Variants in FAM184B observed in about 807,000 individuals in gnomAD.
FAM184B encodes the protein family with sequence similarity 184 member B.
Under a neutral mutation model 135.9 loss-of-function variants are expected in FAM184B, and 111 were observed. That is an observed-to-expected ratio of 0.82 (90% confidence interval 0.70 to 0.96). FAM184B has a LOEUF of 0.96. FAM184B is among the 40% of genes least tolerant of loss of function. FAM184B has a pLI of 0.00. For missense variants in FAM184B, 1,375 were observed against 1,323.9 expected (o/e 1.04, Z -0.60); for synonymous variants, 552 against 524.8 (o/e 1.05, Z -0.71).
At chr4:17,659,882 C>T (rs941957614) in intron 9 of FAM184B, 76 bp downstream of exon 9, 3 of 1,520,874 alleles carry the variant, frequency 2.0e-6, no homozygotes, top group Non-Finnish European at 2.7e-6. Flanking sequence ...TCAGGCCCTG[C>T]ATGCATTTCC....
intron 7 of FAM184B, among the ~76,000 whole-genome samples, chr4:17,672,082 A>C (rs552689257): frequency 6.6e-6 from 1 of 152,312 alleles, no homozygotes; most frequent in South Asian, 2.1e-4. Flanking sequence ...AGATGAACCC[A>C]AAGAACCATA....
intron 1 of FAM184B, among the ~76,000 whole-genome samples, chr4:17,711,115 G>C (rs1717257530): frequency 3.3e-5 from 5 of 152,076 alleles, no homozygotes; most frequent in Admixed American, 3.3e-4. Flanking sequence ...CACTTTGGGA[G>C]GCTGAGGTAG....
chr4:17,747,857 C>T (rs1322426852), intron 1 of FAM184B, among the ~76,000 whole-genome samples: 2 of 127,370 alleles, frequency 1.6e-5, no homozygotes, highest in African/African-American at 2.9e-5. Context: ...GGAGGCGGAG[C>T]TTGCAGTGAG....
Position 17,632,535 on chromosome 4 carries a change from G to C in FAM184B, c.3180C>G (p.Phe1060Leu). 1 of 1,549,442 alleles carries C rather than the reference G, an allele frequency of 6.5e-7. No individual in the cohort carries two copies. Among genetic ancestry groups the C allele is most frequent in the Non-Finnish European group, 8.7e-7 (1 of 1,145,218 alleles). ...HQEWFTKYFS[F>L] ...GTGATGTATCCCAAAGGTTAGCTTA[G>C]AAAGAAAAGTACTTGGTGAACCATT... is the stretch of plus-strand genomic sequence containing the variant. Residue 1060 changes from phenylalanine to leucine, a missense_variant, in exon 18 of 18, where the codon TTC becomes TTG. Physicochemically the swap from Phe to Leu is conservative, Grantham distance 22 (BLOSUM62 0). Transcript: ENST00000265018.
chr4:17,654,484 C>T (rs12503164), intron 10 of FAM184B, among the ~76,000 whole-genome samples: 79,164 of 151,712 alleles, frequency 0.52, 23,207 homozygotes, highest in East Asian at 0.88. Flanking sequence ...CGCCCCAGCA[C>T]CCGCCCCTGC....
chr4:17,674,715 T>G (rs1023222737), intron 7 of FAM184B, among the ~76,000 whole-genome samples: 1 of 152,218 alleles, frequency 6.6e-6, no homozygotes, highest in Admixed American at 6.5e-5. Context: ...TCATGTAATA[T>G]TCTAAATCCT....
In FAM184B at chr4:17,717,278, C is replaced by G. The variant is rs192458300; in HGVS notation, c.142-7634G>C. 7.0e-3 allele frequency among the ~76,000 whole-genome samples: 1,063 copies of G among 152,270 alleles called. 37 individuals are homozygous for G. The highest frequency in any genetic ancestry group is 0.059 in the Admixed American group (905 of 15,294). On this transcript the variant is annotated intron_variant, in intron 1 of 17. Transcript: ENST00000265018. ...AATACTTATTAAACGTTTCTTCCTT[C>G]CCTCCTCTCTCACCCAATCTCCTCC...
In FAM184B at chr4:17,633,694, G is replaced by A. The variant is rs1207154053; in HGVS notation, c.3084C>T (p.Ala1028=). The change falls in exon 17 of 18, where the codon GCC becomes GCT. Residue 1028 remains alanine, a synonymous_variant. Coordinates refer to ENST00000265018, the MANE Select transcript of FAM184B (RefSeq NM_015688.2). ...KPNQSTDAKT[A]TRTPDGETAQ... ...GTCCCCAACATCCCCCAAACCTTGT[G>A]GCAGTTTTTGCATCTGTAGACTGGT... 1 of 1,531,524 alleles carries A rather than the reference G, an allele frequency of 6.5e-7. No homozygotes were observed. Among genetic ancestry groups the A allele is most frequent in the East Asian group, 2.5e-5 (1 of 39,906 alleles). 94.9% of individuals were successfully genotyped at this position (1,531,524 alleles called of 1,614,324 possible). A position where few individuals can be genotyped will look rare whatever the true frequency, so the allele number is the denominator to read the frequency against.
At position 17,746,051 on chromosome 4, in the gene FAM184B, A is replaced by T. The variant is rs116191603; in HGVS notation, c.141+35108T>A. 8.1e-3 allele frequency among the ~76,000 whole-genome samples: 1,234 copies of T among 152,126 alleles called. 19 individuals carry two copies. Among genetic ancestry groups the T allele is most frequent in the African/African-American group, 0.027 (1,129 of 41,504 alleles). ...TCAGCTCATTGCAATCTCTGCCTTC[A>T]GGGTTCAAGTGATTCTCTTGCCTCA... is the stretch of plus-strand genomic sequence containing the variant. On this transcript the variant is annotated intron_variant, in intron 1 of 17. Coordinates refer to ENST00000265018, the MANE Select transcript of FAM184B (RefSeq NM_015688.2).
At position 17,630,684 on chromosome 4, in the gene FAM184B, GTGTTTGTT is replaced by G. The variant is rs956012092; in HGVS notation, c.*1840_*1847del. ...ATGGTGTGTTAATGTATGGTGACAA[GTGTTTGTT>G]TGCATTTAAAAATGCATTGGAGCCT... is the stretch of plus-strand genomic sequence containing the variant. On this transcript the variant is annotated 3_prime_UTR_variant, in exon 18 of 18. Transcript: ENST00000265018. 6.6e-6 allele frequency: 1 copy of G among 152,164 alleles called. No homozygotes were observed. The highest frequency in any genetic ancestry group is 6.5e-5 in the Admixed American group (1 of 15,272). 9.4% of individuals were successfully genotyped at this position (152,164 alleles called of 1,614,324 possible).
intron 1 of FAM184B, among the ~76,000 whole-genome samples, chr4:17,735,329 A>G (rs1443094163): frequency 6.6e-6 from 1 of 152,182 alleles, no homozygotes; most frequent in Non-Finnish European, 1.5e-5. Flanking sequence ...CTTAAAGTAT[A>G]ATAATAATGA....
At chr4:17,654,953 G>T (rs1442889307) in intron 10 of FAM184B, among the ~76,000 whole-genome samples, 1 of 152,164 alleles carries the variant, frequency 6.6e-6, no homozygotes, top group Non-Finnish European at 1.5e-5. Context: ...CTGGGCCCAA[G>T]TCATCCTCCC....
chr4:17,658,555 T>C lies in FAM184B; in HGVS notation c.1832A>G (p.Gln611Arg). 1 of 1,550,848 alleles carries C rather than the reference T, an allele frequency of 6.4e-7. No homozygotes were observed. The highest frequency in any genetic ancestry group is 8.7e-7 in the Non-Finnish European group (1 of 1,146,936). Residue 611 changes from glutamine (Q) to arginine (R), a missense_variant, in exon 10 of 18, where the codon CAG becomes CGG. By Grantham distance (43) the Gln-to-Arg change is conservative. Transcript: ENST00000265018. Reference protein sequence around the residue: ...QKAKLQAQVSQMQQALEQCTS... With the variant: ...QKAKLQAQVSRMQQALEQCTS... ...GCACTGCTCCAGAGCCTGCTGCATC[T>C]GTGAGACCTGCGCACAAGGCATCCT... is the stretch of plus-strand genomic sequence containing the variant.
intron 1 of FAM184B, among the ~76,000 whole-genome samples, chr4:17,756,003 T>C (rs1395511335): frequency 6.6e-6 from 1 of 152,130 alleles, no homozygotes; most frequent in Non-Finnish European, 1.5e-5. Flanking sequence ...CAAATCACCA[T>C]GGCACATGTT....
At chr4:17,652,764 C>T in intron 11 of FAM184B, 66 bp downstream of exon 11, 5 of 1,504,988 alleles carry the variant, frequency 3.3e-6, no homozygotes, top group Non-Finnish European at 4.5e-6. Flanking sequence ...CTCAGCTTGT[C>T]TCTGGTTTCT....
chr4:17,650,206 A>G (rs1433279236), intron 11 of FAM184B, among the ~76,000 whole-genome samples: 1 of 151,720 alleles, frequency 6.6e-6, no homozygotes, highest in Non-Finnish European at 1.5e-5. Flanking sequence ...CCATCCATCC[A>G]TCTAGCATGT....
chr4:17,742,279 G>A (rs1232167881), intron 1 of FAM184B, among the ~76,000 whole-genome samples: 1 of 151,406 alleles, frequency 6.6e-6, no homozygotes, highest in Non-Finnish European at 1.5e-5. Flanking sequence ...ACCAGCCTGG[G>A]CAACACAGCA....
At chr4:17,702,658 C>T (rs1266232562) in intron 5 of FAM184B, among the ~76,000 whole-genome samples, 3 of 152,140 alleles carry the variant, frequency 2.0e-5, no homozygotes, top group African/African-American at 4.8e-5. Flanking sequence ...TTCTTGGAAA[C>T]GAACAAAATG....
intron 1 of FAM184B, among the ~76,000 whole-genome samples, chr4:17,737,063 T>TA (rs1437477527): frequency 6.6e-6 from 1 of 151,786 alleles, no homozygotes; most frequent in African/African-American, 2.4e-5. Context: ...GAGACTCACT[T>TA]AAACCCAGGG....
Sources: allele counts gnomAD v4.1 joint callset (sites outside exome capture counted in the v4.1 genomes callset), GRCh38; gene constraint gnomAD v4.1.1; transcripts MANE v1.5; gene names NCBI Gene and HGNC (gene_info 2026-07-23, HGNC 2026-07-21).